ZC3H12B: variants seen among roughly 807,000 people sequenced by gnomAD.
ZC3H12B encodes probable ribonuclease ZC3H12B.
ZC3H12B carries 7 observed loss-of-function variants against 43.9 expected under a neutral mutation model. The ratio of observed to expected loss-of-function variants is 0.16; its 90% CI spans 0.09 to 0.30. The LOEUF (loss-of-function observed/expected upper bound fraction) is 0.30, where lower values mean the gene tolerates loss of function less well. ZC3H12B is among the 10% of genes least tolerant of loss of function. The probability of loss-of-function intolerance (pLI) is 1.00; values close to 1 mark genes in which losing one functional copy is unlikely to be tolerated. For synonymous variants in ZC3H12B, 222 were observed against 241.7 expected (o/e 0.92, Z 0.76); for missense variants, 475 against 670.2 (o/e 0.71, Z 3.22).
the ZC3H12B span, among the ~76,000 whole-genome samples, chrX:65,130,947 C>A: frequency 8.9e-6 from 1 of 112,080 alleles, no homozygotes; most frequent in East Asian, 2.8e-4. Context: ...ATGACTCCAG[C>A]TTCCTTTGGA....
the ZC3H12B span, among the ~76,000 whole-genome samples, chrX:65,237,796 C>A: frequency 9.0e-6 from 1 of 110,913 alleles, no homozygotes. Context: ...TTATTGAAGG[C>A]CTTTTCTGTA....
At chrX:65,302,672 A>G in the ZC3H12B span, among the ~76,000 whole-genome samples, 25 of 112,044 alleles carry the variant, frequency 2.2e-4, no homozygotes, top group Admixed American at 9.5e-5. Flanking sequence ...TGAAGTTTAT[A>G]TGAGAAGGCA....
intron 2 of ZC3H12B, among the ~76,000 whole-genome samples, chrX:65,390,758 A>T (rs2066604299): frequency 9.0e-6 from 1 of 110,950 alleles, no homozygotes; most frequent in Non-Finnish European, 1.9e-5. Context: ...TTCATTCAAC[A>T]GCTGCAGAAT....
chrX:65,373,302 A>C (rs1423108608), intron 2 of ZC3H12B, among the ~76,000 whole-genome samples: 1 of 112,102 alleles, frequency 8.9e-6, no homozygotes, highest in Non-Finnish European at 1.9e-5. Flanking sequence ...GGGACTGTAA[A>C]CTAGTTCAAC....
the ZC3H12B span, among the ~76,000 whole-genome samples, chrX:65,110,475 A>T: frequency 1.0e-3 from 115 of 109,872 alleles, no homozygotes; most frequent in Middle Eastern, 4.6e-3. Flanking sequence ...GGTATAAGAC[A>T]TAAGAATCAG....
At chrX:65,188,471 G>A in the ZC3H12B span, among the ~76,000 whole-genome samples, 1 of 107,067 alleles carries the variant, frequency 9.3e-6, no homozygotes, top group African/African-American at 3.4e-5. Context: ...TATTGTTGCT[G>A]GTATTTGTTA....
the ZC3H12B span, among the ~76,000 whole-genome samples, chrX:65,336,107 G>C: frequency 8.9e-6 from 1 of 112,077 alleles, no homozygotes; most frequent in Non-Finnish European, 1.9e-5. Context: ...ATACCACAAA[G>C]TACAACATAT....
intron 2 of ZC3H12B, among the ~76,000 whole-genome samples, chrX:65,371,515 G>A (rs1461397389): frequency 1.8e-5 from 2 of 111,340 alleles, no homozygotes; most frequent in African/African-American, 6.5e-5. Context: ...GAATTAAAAA[G>A]GGAAGAGTCA....
At chrX:65,140,490 A>C in the ZC3H12B span, among the ~76,000 whole-genome samples, 3 of 111,567 alleles carry the variant, frequency 2.7e-5, no homozygotes, top group Non-Finnish European at 1.9e-5. Flanking sequence ...TGCTGGATTC[A>C]TTTTGCTAGT....
the ZC3H12B span, among the ~76,000 whole-genome samples, chrX:65,269,368 A>AAC: frequency 1.8e-5 from 2 of 110,482 alleles, no homozygotes; most frequent in African/African-American, 6.6e-5. Flanking sequence ...AACAAAACAA[A>AAC]AAAAAAAAGG....
At chrX:65,447,943 G>C (rs949773799) in intron 3 of ZC3H12B, among the ~76,000 whole-genome samples, 1 of 111,556 alleles carries the variant, frequency 9.0e-6, no homozygotes, top group Non-Finnish European at 1.9e-5. Context: ...TTATTGAAAA[G>C]TTAAAAGGGC....
the ZC3H12B span, among the ~76,000 whole-genome samples, chrX:65,292,643 G>A: frequency 9.3e-6 from 1 of 107,947 alleles, no homozygotes; most frequent in Non-Finnish European, 1.9e-5. Flanking sequence ...TTTTTTTAAA[G>A]CATACAATAT....
the ZC3H12B span, among the ~76,000 whole-genome samples, chrX:65,220,014 G>A: frequency 9.0e-6 from 1 of 111,291 alleles, no homozygotes; most frequent in African/African-American, 3.3e-5. Context: ...TTTCTCAGCA[G>A]AAACCCTACA....
At chrX:65,084,772 A>G in the ZC3H12B span, among the ~76,000 whole-genome samples, 1 of 112,665 alleles carries the variant, frequency 8.9e-6, no homozygotes, top group Admixed American at 9.4e-5. Flanking sequence ...TACCCAAATA[A>G]TGGAAGTCTG....
At chrX:65,080,013 T>A in the ZC3H12B span, among the ~76,000 whole-genome samples, 1 of 110,516 alleles carries the variant, frequency 9.0e-6, no homozygotes, top group East Asian at 2.8e-4. Context: ...CTCAGATATA[T>A]TTAACAAAGC....
the ZC3H12B span, among the ~76,000 whole-genome samples, chrX:65,160,100 C>G: frequency 1.8e-5 from 2 of 111,579 alleles, no homozygotes; most frequent in African/African-American, 6.5e-5. Context: ...GCCTTGCATC[C>G]CAGGGATGAA....
chrX:65,251,601 C>G, the ZC3H12B span, among the ~76,000 whole-genome samples: 2 of 111,286 alleles, frequency 1.8e-5, no homozygotes, highest in Non-Finnish European at 3.8e-5. Context: ...TGTTTGTGTC[C>G]TCTTTTATTT....
chrX:65,311,093 C>A, the ZC3H12B span, among the ~76,000 whole-genome samples: 1 of 111,904 alleles, frequency 8.9e-6, no homozygotes. Flanking sequence ...TGGGCAAGGA[C>A]TTCATGTCTA....
intron 3 of ZC3H12B, among the ~76,000 whole-genome samples, chrX:65,435,210 A>C (rs756926123): frequency 6.2e-5 from 7 of 112,077 alleles, no homozygotes; most frequent in Non-Finnish European, 1.3e-4. Context: ...GCACACCTAG[A>C]AGCTGTTAGA....
Sources: gnomAD v4.1 joint callset for allele counts (sites outside exome capture counted in the v4.1 genomes callset) on GRCh38, gnomAD v4.1.1 for gene constraint, MANE v1.5 for transcripts, NCBI Gene and HGNC (gene_info 2026-07-23, HGNC 2026-07-21) for gene names.